Variants in ERLIN1 observed in about 807,000 individuals in gnomAD.
ERLIN1 encodes the protein erlin-1.
Under a neutral mutation model 46.9 loss-of-function variants are expected in ERLIN1, and 24 were observed. That is an observed-to-expected ratio of 0.51 (90% CI 0.37 to 0.72). ERLIN1 has a LOEUF of 0.72. ERLIN1 is among the 30% of genes least tolerant of loss of function. The probability of loss-of-function intolerance (pLI) is 0.00; values close to 1 mark genes in which losing one functional copy is unlikely to be tolerated. For missense variants in ERLIN1, 293 were observed against 417.9 expected (o/e 0.70, Z 2.61); for synonymous variants, 158 against 143.2 (o/e 1.10, Z -0.74).
intron 9 of ERLIN1, among the ~76,000 whole-genome samples, chr10:100,155,412 G>C (rs1843020497): frequency 6.6e-6 from 1 of 151,648 alleles, no homozygotes; most frequent in Admixed American, 6.6e-5. Context: ...AAATCAAGTA[G>C]TGTGAGGCCC....
At chr10:100,158,242 T>C (rs1036052467) in intron 8 of ERLIN1, among the ~76,000 whole-genome samples, 1 of 152,206 alleles carries the variant, frequency 6.6e-6, no homozygotes, top group Non-Finnish European at 1.5e-5. Context: ...AGAAGTAACC[T>C]CTTCTCTACC....
chr10:100,179,117 G>T, intron 3 of ERLIN1, 84 bp downstream of exon 3: 2 of 1,050,012 alleles, frequency 1.9e-6, no homozygotes, highest in South Asian at 1.4e-5. Flanking sequence ...ATGCCTATTT[G>T]AGATATGTCT....
At chr10:100,174,170 C>G in intron 6 of ERLIN1, 38 bp downstream of exon 6, 3 of 1,369,318 alleles carry the variant, frequency 2.2e-6, no homozygotes, top group Non-Finnish European at 3.1e-6. Context: ...TCAAAGCTCT[C>G]AAAATCCCCA....
chr10:100,163,191 A>G (rs1843452084), intron 8 of ERLIN1, among the ~76,000 whole-genome samples: 1 of 152,170 alleles, frequency 6.6e-6, no homozygotes, highest in South Asian at 2.1e-4. Context: ...GTTTGGTAAC[A>G]TTTTTGTAGT....
intron 7 of ERLIN1, 89 bp from the exon 8 acceptor site, chr10:100,164,184 C>T: frequency 2.5e-6 from 2 of 806,314 alleles, no homozygotes; most frequent in Non-Finnish European, 4.0e-6. Flanking sequence ...AGTCAGAGAA[C>T]CGTTTTGTCA....
At chr10:100,179,277 T>A in intron 2 of ERLIN1, 30 bp from the exon 3 acceptor site, 1 of 1,536,250 alleles carries the variant, frequency 6.5e-7, no homozygotes, top group African/African-American at 1.4e-5. Context: ...TCATCAACAC[T>A]CAAGACACAC....
In ERLIN1 at chr10:100,185,760, C is replaced by G; in HGVS notation, c.-134G>C. On this transcript the variant is annotated 5_prime_UTR_variant, in exon 1 of 11. Transcript: ENST00000421367. ...GGCTGAGCCGGGGAGTCCAGTACCC[C>G]TGTCCCCTCATTCTTCCCTTCTGGC... 1 of 682,134 alleles carries G rather than the reference C, an allele frequency of 1.5e-6. No homozygotes were observed. The highest frequency in any genetic ancestry group is 2.7e-5 in the East Asian group (1 of 37,214). 42.3% of individuals were successfully genotyped at this position (682,134 alleles called of 1,614,324 possible).
rs1844483100 is a variant in ERLIN1, at chr10:100,179,102, C to T, written c.242+99G>A. The T allele has an allele frequency of 9.0e-6, 8 of 892,810 alleles. No homozygotes were observed. The East Asian group carries it at 1.9e-4, about 21-fold the overall frequency. The allele number at this position is 892,810 out of a possible 1,614,324, so 55.3% of individuals were successfully genotyped here. On this transcript the variant is annotated intron_variant, in intron 3 of 10. Transcript: ENST00000421367. ...CAGATCAGAAGTCCCCTTGGGTTAA[C>T]TATCATGCCTATTTGAGATATGTCT... is the stretch of plus-strand genomic sequence containing the variant.
intron 6 of ERLIN1, among the ~76,000 whole-genome samples, chr10:100,173,221 G>A (rs1844101827): frequency 6.6e-6 from 1 of 152,162 alleles, no homozygotes; most frequent in Non-Finnish European, 1.5e-5. Flanking sequence ...TTTAGTTGCA[G>A]TAATGTTCAT....
chr10:100,178,678 T>A (rs1844457612), intron 3 of ERLIN1, among the ~76,000 whole-genome samples: 1 of 152,210 alleles, frequency 6.6e-6, no homozygotes, highest in Non-Finnish European at 1.5e-5. Context: ...GATGATTAAT[T>A]TTAAACTATG....
chr10:100,169,675 G>A (rs190181821), intron 6 of ERLIN1, among the ~76,000 whole-genome samples: 2 of 150,982 alleles, frequency 1.3e-5, no homozygotes, highest in Admixed American at 1.3e-4. Flanking sequence ...AAATCCATTG[G>A]TATTAATTTA....
At chr10:100,154,543 C>T (rs1842975065) in intron 10 of ERLIN1, among the ~76,000 whole-genome samples, 1 of 152,080 alleles carries the variant, frequency 6.6e-6, no homozygotes, top group Admixed American at 6.5e-5. Context: ...AAGTATCTAC[C>T]AAAAAAACTA....
intron 9 of ERLIN1, among the ~76,000 whole-genome samples, chr10:100,155,200 C>T (rs556103580): frequency 1.3e-5 from 2 of 152,230 alleles, no homozygotes; most frequent in Non-Finnish European, 2.9e-5. Context: ...TCTCCCACCT[C>T]CTATCACCCA....
Position 100,178,116 on chromosome 10 carries a change from G to GT in ERLIN1, c.304+16dup. ...CTGGCTATAACTATAAAAACCACAG[G>GT]TAGATGGGTAACATACCTGCATAAG... On this transcript the variant is annotated intron_variant, in intron 4 of 10. Transcript: ENST00000421367. 1 of 1,526,220 alleles carries GT rather than the reference G, an allele frequency of 6.6e-7. No individual in the cohort carries two copies. Among genetic ancestry groups the GT allele is most frequent in the South Asian group, 1.2e-5 (1 of 84,404 alleles). The allele number at this position is 1,526,220 out of a possible 1,614,324, so 94.5% of individuals were successfully genotyped here. A position where few individuals can be genotyped will look rare whatever the true frequency, so the allele number is the denominator to read the frequency against.
intron 6 of ERLIN1, among the ~76,000 whole-genome samples, chr10:100,172,529 G>A (rs1212310577): frequency 6.6e-6 from 1 of 152,092 alleles, no homozygotes; most frequent in Admixed American, 6.6e-5. Flanking sequence ...ATATGAATAG[G>A]CAATCAGCAG....
rs1844954228 is a variant in ERLIN1, at chr10:100,185,939, C to A, written c.-313G>T. ...CCCAGCCGCAGGCTCGCGAGGAAAG[C>A]CGACCCCTCGGCCGCGCCTCACCGA... On this transcript the variant is annotated 5_prime_UTR_variant, in exon 1 of 11. Coordinates refer to ENST00000421367, the MANE Select transcript of ERLIN1 (RefSeq NM_006459.4). 8.6e-6 allele frequency: 4 copies of A among 465,146 alleles called. No homozygotes were observed. Among genetic ancestry groups the A allele is most frequent in the South Asian group, 8.7e-5 (2 of 22,958 alleles). The allele number at this position is 465,146 out of a possible 1,614,324, so 28.8% of individuals were successfully genotyped here.
chr10:100,172,749 A>C (rs1039062484), intron 6 of ERLIN1, among the ~76,000 whole-genome samples: 3 of 152,226 alleles, frequency 2.0e-5, no homozygotes, highest in Admixed American at 2.0e-4. Context: ...GTCAGTTTGA[A>C]AGATAATTTG....
chr10:100,178,356 T>C (rs1490540750), intron 3 of ERLIN1, among the ~76,000 whole-genome samples, 162 bp from the exon 4 acceptor site: 2 of 152,236 alleles, frequency 1.3e-5, no homozygotes. Context: ...TCTATAGATG[T>C]CAATGTCTTT....
chr10:100,152,508 A>C (rs550954421), intron 10 of ERLIN1, among the ~76,000 whole-genome samples, 156 bp from the exon 11 acceptor site: 1 of 152,340 alleles, frequency 6.6e-6, no homozygotes, highest in African/African-American at 2.4e-5. Context: ...AGTGGCTATC[A>C]CATTAACAGC....
Sources: gnomAD v4.1 joint callset for allele counts (sites outside exome capture counted in the v4.1 genomes callset) on GRCh38, gnomAD v4.1.1 for gene constraint, MANE v1.5 for transcripts, NCBI Gene and HGNC (gene_info 2026-07-23, HGNC 2026-07-21) for gene names.